Variants in PRPF31 observed in about 807,000 individuals in gnomAD.
PRPF31 encodes U4/U6 small nuclear ribonucleoprotein Prp31.
In PRPF31, 12 loss-of-function variants were observed where a neutral mutation model predicts 60.4. That is an observed-to-expected ratio of 0.20 (90% CI 0.13 to 0.32). PRPF31 has a LOEUF of 0.32. PRPF31 is among the 10% of genes least tolerant of loss of function. PRPF31 has a pLI of 1.00. For synonymous variants in PRPF31, 287 were observed against 287.9 expected (o/e 1.00, Z 0.03); for missense variants, 431 against 687.1 (o/e 0.63, Z 4.17).
rs373479822 is a variant in PRPF31 at position 54,130,960 on chromosome 19, G to A, written c.1375-347G>A. On this transcript the variant is annotated intron_variant, in intron 13 of 13. Transcript: ENST00000321030. ...CCCATTGCTGCCACTATGATCGTCA[G>A]TGGTGTTGGTGTGATTTGTGCTAGG... 2.4e-4 allele frequency among the ~76,000 whole-genome samples: 36 copies of A among 152,332 alleles called. No individual in the cohort carries two copies. In the East Asian group the frequency reaches 5.0e-3, roughly 21 times the overall value.
intron 1 of PRPF31, among the ~76,000 whole-genome samples, chr19:54,116,026 C>T (rs1443171352): frequency 2.0e-5 from 3 of 151,586 alleles, no homozygotes; most frequent in African/African-American, 7.3e-5. Flanking sequence ...CCTCAGCCTC[C>T]AGAGTAGCTG....
intron 8 of PRPF31, chr19:54,125,090 G>A (rs2073887688): frequency 3.5e-6 from 1 of 286,602 alleles, no homozygotes; most frequent in African/African-American, 2.2e-5. Context: ...CATGGGGAGA[G>A]ACACACAGGA....
chr19:54,129,896 T>C (rs1423635701), intron 13 of PRPF31, among the ~76,000 whole-genome samples: 1 of 152,064 alleles, frequency 6.6e-6, no homozygotes, highest in Non-Finnish European at 1.5e-5. Context: ...CGAGCTCATC[T>C]GCCCAGTCAG....
chr19:54,122,426 T>G, intron 4 of PRPF31, 71 bp from the exon 5 acceptor site: 4 of 1,121,980 alleles, frequency 3.6e-6, no homozygotes, highest in Non-Finnish European at 5.5e-6. Flanking sequence ...GAAGGGGACA[T>G]GGGTGTTAGG....
intron 3 of PRPF31, among the ~76,000 whole-genome samples, chr19:54,121,495 C>G (rs2073787942): frequency 1.3e-5 from 2 of 152,118 alleles, no homozygotes; most frequent in South Asian, 4.1e-4. Context: ...GTCCTGGGTA[C>G]TCGGCTGTGG....
Position 54,126,463 on chromosome 19 carries a change from T to C in PRPF31, c.856-65T>C. 2.0e-6 allele frequency: 3 copies of C among 1,515,834 alleles called. No homozygotes were observed. In the Admixed American group the frequency reaches 5.6e-5, roughly 28 times the overall value. 93.9% of individuals were successfully genotyped at this position (1,515,834 alleles called of 1,614,324 possible). Reference sequence around the variant, plus strand: ...GAGCCAGAGGAGGAGCGCGCGCGGTTGCTTTGCTGTTACCTCTGTCTGTCT... The same window carrying C: ...GAGCCAGAGGAGGAGCGCGCGCGGTCGCTTTGCTGTTACCTCTGTCTGTCT... On this transcript the variant is annotated intron_variant, in intron 8 of 13. Coordinates refer to ENST00000321030, the MANE Select transcript of PRPF31 (RefSeq NM_015629.4).
intron 11 of PRPF31, 135 bp downstream of exon 11, chr19:54,128,512 C>A (rs866692541): frequency 2.2e-6 from 2 of 929,834 alleles, no homozygotes; most frequent in Middle Eastern, 6.5e-4. Flanking sequence ...TCCCCCCCCC[C>A]GGCCTCTATT....
At chr19:54,116,556 G>A (rs758682349) in intron 1 of PRPF31, among the ~76,000 whole-genome samples, 7 of 152,208 alleles carry the variant, frequency 4.6e-5, no homozygotes, top group Admixed American at 6.5e-5. Flanking sequence ...CCATGGTGTG[G>A]CCCTGGGGAT....
intron 13 of PRPF31, among the ~76,000 whole-genome samples, chr19:54,131,085 G>A (rs1452605681): frequency 6.6e-6 from 1 of 152,152 alleles, no homozygotes; most frequent in East Asian, 1.9e-4. Flanking sequence ...GCACCCCTGA[G>A]GAACTTCGTA....
chr19:54,127,931 GAAA>G, intron 9 of PRPF31, 139 bp from the exon 10 acceptor site: 2 of 1,222,644 alleles, frequency 1.6e-6, no homozygotes, highest in Non-Finnish European at 2.3e-6. Flanking sequence ...ACACCAAGAA[GAAA>G]AAGAAAGGGG....
At chr19:54,127,475 A>G (rs1466422024) in intron 9 of PRPF31, among the ~76,000 whole-genome samples, 1 of 151,966 alleles carries the variant, frequency 6.6e-6, no homozygotes, top group Non-Finnish European at 1.5e-5. Context: ...CCAGCTCACA[A>G]TCCTTAAAAT....
At chr19:54,124,395 T>C (rs1325308357) in intron 7 of PRPF31, 104 bp from the exon 8 acceptor site, 25 of 1,088,514 alleles carry the variant, frequency 2.3e-5, no homozygotes, top group South Asian at 9.1e-5. Flanking sequence ...CAGAACTTCA[T>C]GTAAAGGTGC....
chr19:54,124,727 C>T (rs1161386496), intron 8 of PRPF31, 71 bp downstream of exon 8: 4 of 1,534,946 alleles, frequency 2.6e-6, no homozygotes, highest in Admixed American at 3.3e-5. Context: ...ACAGCCTGAG[C>T]AGCCACCCAC....
chr19:54,118,996 C>T (rs1344294762), intron 3 of PRPF31, among the ~76,000 whole-genome samples: 1 of 151,978 alleles, frequency 6.6e-6, no homozygotes, highest in Non-Finnish European at 1.5e-5. Flanking sequence ...TTAAATTTAT[C>T]TGAGAAGGAA....
chr19:54,124,473 C>G (rs1031348782), intron 7 of PRPF31, 26 bp from the exon 8 acceptor site: 2 of 1,579,986 alleles, frequency 1.3e-6, no homozygotes, highest in Non-Finnish European at 1.7e-6. Context: ...TGACCGCCCC[C>G]CCTTCCTCCC....
chr19:54,119,148 G>A (rs757361276), intron 3 of PRPF31, among the ~76,000 whole-genome samples: 1 of 152,012 alleles, frequency 6.6e-6, no homozygotes, highest in South Asian at 2.1e-4. Context: ...TTTGGGAGGC[G>A]GAGGCAGGTG....
In PRPF31 at chr19:54,119,079, T is replaced by A. The variant is rs373894968; in HGVS notation, c.238+446T>A. On this transcript the variant is annotated intron_variant, in intron 3 of 13. Coordinates refer to ENST00000321030, the MANE Select transcript of PRPF31 (RefSeq NM_015629.4). ...AAGTCACTGTATAAAAATAGATATATAATTATTTAGGAACCACCTAAGGCC... is the reference window on the plus strand; with the variant it reads ...AAGTCACTGTATAAAAATAGATATAAAATTATTTAGGAACCACCTAAGGCC... 2.3e-4 allele frequency among the ~76,000 whole-genome samples: 35 copies of A among 152,264 alleles called. No individual in the cohort carries two copies. The East Asian group carries it at 4.8e-3, about 21-fold the overall frequency.
chr19:54,122,445 G>A (rs1206041897), intron 4 of PRPF31, 52 bp from the exon 5 acceptor site: 6 of 1,386,908 alleles, frequency 4.3e-6, no homozygotes, highest in Non-Finnish European at 5.1e-6. Flanking sequence ...GGGCCAACCA[G>A]CAGAGTCTAC....
chr19:54,119,298 C>T (rs587722426), intron 3 of PRPF31, among the ~76,000 whole-genome samples: 3 of 151,530 alleles, frequency 2.0e-5, no homozygotes, highest in Non-Finnish European at 4.4e-5. Flanking sequence ...GGGAGAATGG[C>T]GTGAACCTGG....
Sources: allele counts gnomAD v4.1 joint callset (sites outside exome capture counted in the v4.1 genomes callset), GRCh38; gene constraint gnomAD v4.1.1; transcripts MANE v1.5; gene names NCBI Gene and HGNC (gene_info 2026-07-23, HGNC 2026-07-21).